The following SOX5 variants were observed in gnomAD, a reference collection of about 807,000 sequenced individuals.
The protein encoded by SOX5 is SRY-box transcription factor 5.
Under a neutral mutation model 92.0 loss-of-function variants are expected in SOX5, and 9 were observed. The ratio of observed to expected loss-of-function variants is 0.10; its 90% CI spans 0.06 to 0.17. The LOEUF is 0.17. SOX5 is among the 10% of genes least tolerant of loss of function. The pLI is 1.00. For synonymous variants in SOX5, 344 were observed against 336.3 expected, an observed-to-expected ratio of 1.02 and a Z score of -0.25; for missense variants, 642 against 944.5, an observed-to-expected ratio of 0.68 and a Z score of 4.20.
intron 1 of SOX5, among the ~76,000 whole-genome samples, chr12:24,502,558 A>G (rs1248265133): frequency 6.6e-6 from 1 of 152,186 alleles, no homozygotes; most frequent in East Asian, 1.9e-4. Context: ...TTCCAAATAA[A>G]TGTAAGATAA....
intron 12 of SOX5, among the ~76,000 whole-genome samples, chr12:23,545,174 A>AT (rs1170252189): frequency 6.6e-6 from 1 of 152,212 alleles, no homozygotes; most frequent in Non-Finnish European, 1.5e-5. Context: ...CAAGGCACAG[A>AT]GTAAACAGTT....
At chr12:23,837,032 C>G (rs1195945254) in intron 3 of SOX5, among the ~76,000 whole-genome samples, 1 of 150,554 alleles carries the variant, frequency 6.6e-6, no homozygotes, top group Non-Finnish European at 1.5e-5. Flanking sequence ...AGCTTTGGAA[C>G]ATTTGTGCTG....
intron 4 of SOX5, among the ~76,000 whole-genome samples, chr12:24,039,412 T>C (rs970958738): frequency 9.2e-5 from 14 of 152,184 alleles, no homozygotes; most frequent in African/African-American, 3.1e-4. Context: ...CATTGATAGA[T>C]AATACTGAGA....
intron 4 of SOX5, among the ~76,000 whole-genome samples, chr12:24,112,548 T>C (rs35271707): frequency 7.2e-6 from 1 of 139,598 alleles, no homozygotes; most frequent in Admixed American, 7.2e-5. Context: ...TTTTTTTTTT[T>C]GAGGCAGGAT....
In SOX5 at chr12:24,393,069, T is replaced by G. The variant is rs1009071954; in HGVS notation, c.-250-24430A>C. On this transcript the variant is annotated intron_variant, in intron 1 of 4. Transcript: ENST00000446891. This position sits in a 1 kb window ranked among gnomAD's most constrained non-coding sequence, Gnocchi z 5.0. The stretch of plus-strand genomic sequence containing the variant: ...TCTTGAGTGTGTGGGGGCATAAGTA[T>G]TTTTTTCTTTTCTATCTCAACCACC... Among the ~76,000 whole-genome samples the G allele has an allele frequency of 6.6e-5, 10 of 151,776 alleles. No homozygotes were observed. The highest frequency in any genetic ancestry group is 1.3e-4 in the Non-Finnish European group (9 of 67,780).
At chr12:24,414,661 A>G (rs1964700562) in intron 1 of SOX5, among the ~76,000 whole-genome samples, 2 of 152,236 alleles carry the variant, frequency 1.3e-5, no homozygotes, top group African/African-American at 4.8e-5. Context: ...GTGAAGGTGC[A>G]AAACACTCCA....
intron 2 of SOX5, among the ~76,000 whole-genome samples, chr12:23,866,098 C>A (rs538533300): frequency 2.4e-4 from 37 of 152,188 alleles, no homozygotes; most frequent in African/African-American, 8.9e-4. Flanking sequence ...CTGTGAACAC[C>A]GTTGAAATAA....
chr12:23,886,088 T>C (rs1568630442), intron 2 of SOX5, among the ~76,000 whole-genome samples: 1 of 152,154 alleles, frequency 6.6e-6, no homozygotes. Context: ...TTGTATTCCT[T>C]AAGGAGTCAT....
Position 23,769,404 on chromosome 12 carries a change from T to C in SOX5, c.482-13680A>G, listed in dbSNP as rs75165759. 9.5e-3 allele frequency among the ~76,000 whole-genome samples: 1,450 copies of C among 152,194 alleles called. 27 individuals are homozygous for C. The highest frequency in any genetic ancestry group is 0.033 in the African/African-American group (1,362 of 41,546). On this transcript the variant is annotated intron_variant, in intron 3 of 14. Transcript: ENST00000451604. ...AGGGGAAAAAGTTTATTTCACACTA[T>C]TTGAATTACCTGTAGGTAGTTCTCT...
chr12:24,379,749 G>A (rs573763502), intron 1 of SOX5, among the ~76,000 whole-genome samples: 1 of 150,946 alleles, frequency 6.6e-6, no homozygotes, highest in Non-Finnish European at 1.5e-5. Flanking sequence ...CCCCTCCTTG[G>A]TTATTTGCCT....
upstream of SOX5, among the ~76,000 whole-genome samples, chr12:23,955,856 T>A (rs1591782117): frequency 6.6e-6 from 1 of 152,212 alleles, no homozygotes. Flanking sequence ...TTTTTCAACC[T>A]GGAAAGTAAT....
At chr12:24,372,897 T>G (rs1056752617) in intron 1 of SOX5, among the ~76,000 whole-genome samples, 3 of 146,874 alleles carry the variant, frequency 2.0e-5, no homozygotes, top group African/African-American at 7.6e-5. Context: ...GTGGGTCGCC[T>G]GAGCTCAGGA....
At chr12:23,604,807 T>C (rs999886339) in intron 8 of SOX5, among the ~76,000 whole-genome samples, 11 of 152,186 alleles carry the variant, frequency 7.2e-5, no homozygotes, top group Non-Finnish European at 1.6e-4. Context: ...CCAATGTCTA[T>C]AGAAGGCAAG....
At chr12:23,922,064 A>G (rs1178289506) in intron 1 of SOX5, among the ~76,000 whole-genome samples, 1 of 151,762 alleles carries the variant, frequency 6.6e-6, no homozygotes, top group Non-Finnish European at 1.5e-5. Context: ...ACACCAGACA[A>G]CTCCCCCCCT....
chr12:24,452,353 T>C (rs1942433900), intron 1 of SOX5, among the ~76,000 whole-genome samples: 2 of 152,172 alleles, frequency 1.3e-5, no homozygotes, highest in Non-Finnish European at 2.9e-5. Flanking sequence ...TCCAACCTAA[T>C]GTGCACCTCC....
chr12:23,576,898 T>C (rs572643031), intron 9 of SOX5, among the ~76,000 whole-genome samples: 1 of 151,914 alleles, frequency 6.6e-6, no homozygotes, highest in East Asian at 1.9e-4. Context: ...AATATTATTG[T>C]AGAATAAAAA....
At chr12:24,462,547 C>A (rs758528203) in intron 1 of SOX5, among the ~76,000 whole-genome samples, 4 of 152,064 alleles carry the variant, frequency 2.6e-5, no homozygotes, top group South Asian at 2.1e-4. Context: ...ATATAGTAAG[C>A]CTAGGCTAAT....
intron 1 of SOX5, among the ~76,000 whole-genome samples, chr12:24,543,289 T>G (rs924831998): frequency 6.6e-6 from 1 of 152,268 alleles, no homozygotes; most frequent in Non-Finnish European, 1.5e-5. Flanking sequence ...CCTTACTCAA[T>G]TCATGTGTAA....
intron 2 of SOX5, among the ~76,000 whole-genome samples, chr12:24,309,182 C>T (rs1948926284): frequency 6.6e-6 from 1 of 152,198 alleles, no homozygotes; most frequent in South Asian, 2.1e-4. Flanking sequence ...GGGGAGCCTC[C>T]ATCTCAAGAT....
Sources: gnomAD v4.1 joint callset for allele counts (sites outside exome capture counted in the v4.1 genomes callset) on GRCh38, gnomAD v4.1.1 for gene constraint, Gnocchi (gnomAD v3.1) non-coding constraint, MANE v1.5 for transcripts, NCBI Gene and HGNC (gene_info 2026-07-23, HGNC 2026-07-21) for gene names.